Variants in AP4M1 observed in about 807,000 individuals in gnomAD.
The protein encoded by AP4M1 is AP-4 complex subunit mu-1.
In AP4M1, 58 loss-of-function variants were observed where a neutral mutation model predicts 62.4. The ratio of observed to expected loss-of-function variants is 0.93; its 90% CI spans 0.75 to 1.16. The LOEUF (loss-of-function observed/expected upper bound fraction) is 1.16. Among genes scored for constraint, AP4M1 ranks in the 50% most tolerant of loss-of-function variants. The pLI is 0.00. For synonymous variants in AP4M1, 290 were observed against 239.7 expected, an observed-to-expected ratio of 1.21 and a Z score of -1.94; for missense variants, 626 against 585.4, an observed-to-expected ratio of 1.07 and a Z score of -0.72.
At chr7:100,103,327 T>C in intron 4 of AP4M1, 82 bp from the exon 5 acceptor site, 9 of 1,206,266 alleles carry the variant, frequency 7.5e-6, no homozygotes, top group Middle Eastern at 1.9e-4. Flanking sequence ...AGTACAGGAG[T>C]GAGTCACCAT....
At position 100,106,477 on chromosome 7, in the gene AP4M1, G is replaced by A. The variant is rs139861201; in HGVS notation, c.1100G>A (p.Arg367Gln). ...GGAGCCCTTCGCTGGGACCTGCCTC[G>A]GGTGCAAGGAGGCTCTCAACTCTCA... ...AEGALRWDLP[R>Q]VQGGSQLSGL... The change falls in exon 14 of 15, where the codon CGG becomes CAG. Residue 367 changes from arginine to glutamine, a missense_variant. Transcript: ENST00000359593. 3.5e-4 allele frequency: 567 copies of A among 1,613,738 alleles called. No individual in the cohort carries two copies. The highest frequency in any genetic ancestry group is 4.3e-4 in the Non-Finnish European group (508 of 1,180,012).
At position 100,103,887 on chromosome 7, in the gene AP4M1, C is replaced by CAAAAAAAAA. The variant is rs10671291; in HGVS notation, c.544-194_544-186dup. On this transcript the variant is annotated intron_variant, in intron 6 of 14. Transcript: ENST00000359593. Reference sequence around the variant, plus strand: ...TGAAAACCTGTCTCTACTAAAAATGCAAAAAAAAAAAAAAAAAAAGAAAAA... The same window carrying CAAAAAAAAA: ...TGAAAACCTGTCTCTACTAAAAATGCAAAAAAAAAAAAAAAAAAAAAAAAAAAAGAAAAA... Among the ~76,000 whole-genome samples the CAAAAAAAAA allele has an allele frequency of 4.0e-4, 37 of 91,962 alleles. 2 individuals are homozygous for CAAAAAAAAA. Among genetic ancestry groups the CAAAAAAAAA allele is most frequent in the South Asian group, 7.4e-4 (2 of 2,702 alleles). 60.3% of individuals were successfully genotyped at this position (91,962 alleles called of 152,430 possible).
At position 100,101,654 on chromosome 7, in the gene AP4M1, G is replaced by C; in HGVS notation, c.-61G>C. 25 of 1,510,652 alleles carry C rather than the reference G, an allele frequency of 1.7e-5. No homozygotes were observed. The highest frequency in any genetic ancestry group is 2.3e-5 in the Non-Finnish European group (25 of 1,087,344). 93.6% of individuals were successfully genotyped at this position (1,510,652 alleles called of 1,614,324 possible). Reference sequence around the variant, plus strand: ...AGCGCACACGCGTTCTTTTGTTCCGGGGCCGCAGGGCGGGGCAGGCCCGAC... The same window carrying C: ...AGCGCACACGCGTTCTTTTGTTCCGCGGCCGCAGGGCGGGGCAGGCCCGAC... On this transcript the variant is annotated 5_prime_UTR_variant, in exon 1 of 15. Coordinates refer to ENST00000359593, the MANE Select transcript of AP4M1 (RefSeq NM_004722.4).
rs150400480 is a variant in AP4M1 at position 100,102,771 on chromosome 7, C to T, written c.244C>T (p.Leu82=). 4 of 1,613,918 alleles carry T rather than the reference C, an allele frequency of 2.5e-6. No individual in the cohort carries two copies. The Admixed American group carries it at 5.0e-5, about 20-fold the overall frequency. The change falls in exon 3 of 15, where the codon CTG becomes TTG. Residue 82 remains leucine (L), a synonymous_variant. Transcript: ENST00000359593. ...CGTTTCTCCCTTCAGCCTCCTAGAACTGCTCTCCAGGTGAGGAGGGTTGGG... is the reference window on the plus strand; with the variant it reads ...CGTTTCTCCCTTCAGCCTCCTAGAATTGCTCTCCAGGTGAGGAGGGTTGGG... The part of the protein sequence containing the change: ...ENVSPFSLLE[L]LSRLATLLGD...
upstream of AP4M1, chr7:100,101,470 C>T: frequency 1.2e-6 from 1 of 863,902 alleles, no homozygotes. Flanking sequence ...GCCTTCTTCA[C>T]CTCCCGCTAG....
chr7:100,108,362 C>T lies in AP4M1; in HGVS notation c.*1480C>T, dbSNP rs1170443369. 1.9e-6 allele frequency: 3 copies of T among 1,593,256 alleles called. No homozygotes were observed. Among genetic ancestry groups the T allele is most frequent in the Non-Finnish European group, 2.6e-6 (3 of 1,166,268 alleles). ...CCTATTCCTCCTCCCCACCCGGCCA[C>T]GGACCTGCGTGATGGTCAGAGTGGT... On this transcript the variant is annotated 3_prime_UTR_variant, in exon 15 of 15. Transcript: ENST00000359593.
At chr7:100,101,331 C>T (rs1796016568), upstream of AP4M1, 1 of 1,612,542 alleles carries the variant, frequency 6.2e-7, no homozygotes, top group African/African-American at 1.3e-5. Context: ...TTGGCGGGCT[C>T]AGAGGTCTTG....
At chr7:100,101,453 C>A, upstream of AP4M1, 1 of 1,001,950 alleles carries the variant, frequency 1.0e-6, no homozygotes, top group Non-Finnish European at 1.5e-6. Context: ...GCCAATCGGA[C>A]AAGGCGGCCT....
Position 100,107,171 on chromosome 7 carries a change from C to T in AP4M1, c.*289C>T, listed in dbSNP as rs1796588623. On this transcript the variant is annotated 3_prime_UTR_variant, in exon 15 of 15. Coordinates refer to ENST00000359593, the MANE Select transcript of AP4M1 (RefSeq NM_004722.4). ...CAATCTACAACTTCCTTCCGCTTAG[C>T]GAGCATGCATGTGTGTACGTGCACG... The T allele has an allele frequency of 4.0e-6, 6 of 1,510,564 alleles. No homozygotes were observed. In the African/African-American group the frequency reaches 5.6e-5, roughly 14 times the overall value. 93.6% of individuals were successfully genotyped at this position (1,510,564 alleles called of 1,614,324 possible). A position where few individuals can be genotyped will look rare whatever the true frequency, so the allele number is the denominator to read the frequency against.
At chr7:100,101,572 C>T (rs978855591), upstream of AP4M1, 2 of 928,272 alleles carry the variant, frequency 2.2e-6, no homozygotes, top group Admixed American at 2.0e-5. Flanking sequence ...AGTGCAGGCG[C>T]CGGGTTTCCC....
In AP4M1 at chr7:100,107,694, T is replaced by G; in HGVS notation, c.*812T>G. ...CCCCCCAGAGGCCTGGCGAGGACGC[T>G]TCACTCGCTCCCTGCCTGAACAAGT... On this transcript the variant is annotated 3_prime_UTR_variant, in exon 15 of 15. Coordinates refer to ENST00000359593, the MANE Select transcript of AP4M1 (RefSeq NM_004722.4). 6.4e-7 allele frequency: 1 copy of G among 1,567,124 alleles called. No individual in the cohort carries two copies. The highest frequency in any genetic ancestry group is 8.6e-7 in the Non-Finnish European group (1 of 1,159,010).
At position 100,106,646 on chromosome 7, in the gene AP4M1, T is replaced by C; in HGVS notation, c.1138-12T>C. The C allele has an allele frequency of 6.8e-7, 1 of 1,472,860 alleles. No individual in the cohort carries two copies. Among genetic ancestry groups the C allele is most frequent in the Non-Finnish European group, 9.2e-7 (1 of 1,092,126 alleles). The allele number at this position is 1,472,860 out of a possible 1,614,324, so 91.2% of individuals were successfully genotyped here. ...TTGCCCTCCTTCCTCTCCCTGCCTC[T>C]GCCCCTCACAGATGGACGTCCCAGG... On this transcript the variant is annotated splice_polypyrimidine_tract_variant and intron_variant, in intron 14 of 14. Transcript: ENST00000359593.
At position 100,108,895 on chromosome 7, in the gene AP4M1, GCACCTGTAGTCC is replaced by G. The variant is rs1796869570; in HGVS notation, c.*2016_*2027del. 1 of 183,498 alleles carries G rather than the reference GCACCTGTAGTCC, an allele frequency of 5.4e-6. No homozygotes were observed. The highest frequency in any genetic ancestry group is 2.4e-5 in the African/African-American group (1 of 42,086). The allele number at this position is 183,498 out of a possible 1,614,324, so 11.4% of individuals were successfully genotyped here. A position where few individuals can be genotyped will look rare whatever the true frequency, so the allele number is the denominator to read the frequency against. On this transcript the variant is annotated 3_prime_UTR_variant, in exon 15 of 15. Coordinates refer to ENST00000359593, the MANE Select transcript of AP4M1 (RefSeq NM_004722.4). ...AAAAACTAGCCAGGCATGGTGGCAC[GCACCTGTAGTCC>G]CAGCTACTGGGGAGGTTGAGGTACT...
At position 100,107,043 on chromosome 7, in the gene AP4M1, A is replaced by G. The variant is rs1796573398; in HGVS notation, c.*161A>G. ...GCAATGGGCCCAGCCTTTCTGTGGT[A>G]TCTGATGCAGGAAGGACTGCAGTGG... On this transcript the variant is annotated 3_prime_UTR_variant, in exon 15 of 15. Coordinates refer to ENST00000359593, the MANE Select transcript of AP4M1 (RefSeq NM_004722.4). 1.7e-6 allele frequency: 2 copies of G among 1,201,294 alleles called. No individual in the cohort carries two copies. The highest frequency in any genetic ancestry group is 2.4e-6 in the Non-Finnish European group (2 of 845,218). The allele number at this position is 1,201,294 out of a possible 1,614,324, so 74.4% of individuals were successfully genotyped here. A position where few individuals can be genotyped will look rare whatever the true frequency, so the allele number is the denominator to read the frequency against.
At chr7:100,102,424 A>G (rs569154461) in intron 2 of AP4M1, 2 of 431,810 alleles carry the variant, frequency 4.6e-6, no homozygotes, top group South Asian at 4.4e-5. Flanking sequence ...AAAAAAAAAG[A>G]GTCAATGGGC....
chr7:100,104,378 C>T (rs571953518), intron 7 of AP4M1, among the ~76,000 whole-genome samples: 3 of 151,834 alleles, frequency 2.0e-5, no homozygotes, highest in Admixed American at 6.6e-5. Flanking sequence ...AAACAAATTA[C>T]CCAGACATGG....
chr7:100,108,073 G>A lies in AP4M1; in HGVS notation c.*1191G>A. On this transcript the variant is annotated 3_prime_UTR_variant, in exon 15 of 15. Coordinates refer to ENST00000359593, the MANE Select transcript of AP4M1 (RefSeq NM_004722.4). The stretch of plus-strand genomic sequence containing the variant: ...AGCCAGGAACCTTCAGCAAGCCAGG[G>A]GTGCGAGGGCCAGGCTGTGGGGCCT... The A allele has an allele frequency of 4.3e-6, 7 of 1,612,102 alleles. No homozygotes were observed. Among genetic ancestry groups the A allele is most frequent in the African/African-American group, 1.3e-5 (1 of 75,018 alleles).
In AP4M1 at chr7:100,108,673, CCT is replaced by C. The variant is rs1796839239; in HGVS notation, c.*1792_*1793del. ...GGACATTCCTTATCATCTCAGTGCC[CCT>C]GTTGAAGGCCAAATTATGCTGAACT... On this transcript the variant is annotated 3_prime_UTR_variant, in exon 15 of 15. Transcript: ENST00000359593. 2 of 964,404 alleles carry C rather than the reference CCT, an allele frequency of 2.1e-6. No homozygotes were observed. The highest frequency in any genetic ancestry group is 1.6e-5 in the African/African-American group (1 of 60,990). 59.7% of individuals were successfully genotyped at this position (964,404 alleles called of 1,614,324 possible).
rs1194397681 is a variant in AP4M1 at position 100,108,612 on chromosome 7, C to G, written c.*1730C>G. 1.3e-6 allele frequency: 2 copies of G among 1,508,884 alleles called. No individual in the cohort carries two copies. Among genetic ancestry groups the G allele is most frequent in the East Asian group, 4.6e-5 (2 of 43,892 alleles). The allele number at this position is 1,508,884 out of a possible 1,614,324, so 93.5% of individuals were successfully genotyped here. Reference sequence around the variant, plus strand: ...AGCCAGGTAGAGGGAGGGCTGGTGACACTCTTGAGAAGAACCTTGGGGATG... The same window carrying G: ...AGCCAGGTAGAGGGAGGGCTGGTGAGACTCTTGAGAAGAACCTTGGGGATG... On this transcript the variant is annotated 3_prime_UTR_variant, in exon 15 of 15. Transcript: ENST00000359593.
Sources: allele counts gnomAD v4.1 joint callset (sites outside exome capture counted in the v4.1 genomes callset), GRCh38; gene constraint gnomAD v4.1.1; transcripts MANE v1.5; gene names NCBI Gene and HGNC (gene_info 2026-07-23, HGNC 2026-07-21).